Variants in TACC2 observed in about 807,000 individuals in gnomAD.
TACC2 encodes the protein transforming acidic coiled-coil containing protein 2.
Under a neutral mutation model 227.3 loss-of-function variants are expected in TACC2, and 137 were observed. The ratio of observed to expected loss-of-function variants is 0.60; its 90% confidence interval spans 0.52 to 0.69. TACC2 has a LOEUF of 0.69. TACC2 is among the 30% of genes least tolerant of loss of function. The pLI, the probability that TACC2 is intolerant of heterozygous loss-of-function variation, is 0.00. For missense variants in TACC2, 3,470 were observed against 3,694.4 expected (o/e 0.94, Z 1.57); for synonymous variants, 1,523 against 1,487.5 (o/e 1.02, Z -0.55).
intron 7 of TACC2, among the ~76,000 whole-genome samples, chr10:122,176,148 A>G (rs1368145066): frequency 9.0e-6 from 1 of 111,458 alleles, no homozygotes; most frequent in African/African-American, 2.9e-5. Flanking sequence ...TATATATATG[A>G]AGATGAAATT....
At chr10:122,068,959 A>AC (rs1205907225) in intron 3 of TACC2, among the ~76,000 whole-genome samples, 2 of 141,588 alleles carry the variant, frequency 1.4e-5, no homozygotes. Context: ...CAGCCTCCCA[A>AC]AGTGCTGGCA....
At chr10:122,035,469 A>T (rs1181623878) in intron 2 of TACC2, among the ~76,000 whole-genome samples, 2 of 152,226 alleles carry the variant, frequency 1.3e-5, no homozygotes, top group Non-Finnish European at 2.9e-5. Flanking sequence ...GCACGTGAGA[A>T]TCAGCAGTGA....
chr10:122,160,229 A>G (rs1322263812), intron 7 of TACC2, among the ~76,000 whole-genome samples: 5 of 152,206 alleles, frequency 3.3e-5, no homozygotes. Context: ...TGGGGACGTC[A>G]GTAGGAAGGT....
At chr10:122,178,094 C>A (rs1292095436) in intron 7 of TACC2, among the ~76,000 whole-genome samples, 1 of 152,124 alleles carries the variant, frequency 6.6e-6, no homozygotes, top group African/African-American at 2.4e-5. Context: ...GTTTTGGAGG[C>A]TGGGAAGTCT....
At chr10:122,176,079 CTCTCTCTCTCT>C (rs2093682138) in intron 7 of TACC2, among the ~76,000 whole-genome samples, 1 of 70,228 alleles carries the variant, frequency 1.4e-5, no homozygotes, top group Non-Finnish European at 3.0e-5. Context: ...AACCTTCTCT[CTCTCTCTCTCT>C]CTCTCTCTCT....
At chr10:122,043,499 CTTTT>C (rs201737110) in intron 2 of TACC2, among the ~76,000 whole-genome samples, 1,792 of 147,556 alleles carry the variant, frequency 0.012, 18 homozygotes, top group Middle Eastern at 0.024. Flanking sequence ...TTCTTTCTTT[CTTTT>C]TCTCTTTCTT....
At position 122,096,653 on chromosome 10, in the gene TACC2, G is replaced by A. The variant is rs533594213; in HGVS notation, c.5573+8062G>A. Among the ~76,000 whole-genome samples, 212 of 144,170 alleles carry A rather than the reference G, an allele frequency of 1.5e-3. 1 individual carries two copies. The highest frequency in any genetic ancestry group is 4.9e-3 in the African/African-American group (189 of 38,698). 94.6% of individuals were successfully genotyped at this position (144,170 alleles called of 152,430 possible). A position where few individuals can be genotyped will look rare whatever the true frequency, so the allele number is the denominator to read the frequency against. ...AGAGGTTGCAGTGAACTGAGATCGC[G>A]CCATTGCACTCCAGCCTGGGCGACA... On this transcript the variant is annotated intron_variant, in intron 5 of 22. Transcript: ENST00000369005.
chr10:122,192,413 G>A, intron 7 of TACC2: 1 of 313,816 alleles, frequency 3.2e-6, no homozygotes, highest in Non-Finnish European at 6.4e-6. Flanking sequence ...TTGAGAAAGA[G>A]CAGAGCCCTT....
intron 10 of TACC2, among the ~76,000 whole-genome samples, 189 bp downstream of exon 10, chr10:122,215,640 A>C (rs977443179): frequency 2.0e-5 from 3 of 151,998 alleles, no homozygotes; most frequent in Admixed American, 6.6e-5. Context: ...GGAAGATCAG[A>C]GTGTGTCCCG....
intron 3 of TACC2, among the ~76,000 whole-genome samples, chr10:122,063,490 GGT>G (rs758488156): frequency 1.8e-4 from 27 of 152,338 alleles, no homozygotes; most frequent in South Asian, 6.2e-4. Flanking sequence ...TGCTGAATTA[GGT>G]GTGTGTCTGT....
chr10:121,995,894 C>T (rs1953414056), intron 1 of TACC2, among the ~76,000 whole-genome samples: 1 of 152,070 alleles, frequency 6.6e-6, no homozygotes, highest in African/African-American at 2.4e-5. Flanking sequence ...GCTGAGACTA[C>T]AGGTGCGTGC....
intron 7 of TACC2, among the ~76,000 whole-genome samples, 156 bp downstream of exon 7, chr10:122,143,862 A>G (rs1451893415): frequency 6.6e-6 from 1 of 152,178 alleles, no homozygotes; most frequent in African/African-American, 2.4e-5. Flanking sequence ...TTTGGGCCAT[A>G]GCCGATCTCA....
At chr10:122,158,665 C>G (rs1019307763) in intron 7 of TACC2, among the ~76,000 whole-genome samples, 33 of 152,126 alleles carry the variant, frequency 2.2e-4, no homozygotes, top group Non-Finnish European at 4.4e-5. Flanking sequence ...TAGATCAGCC[C>G]TTTGCAAGGA....
chr10:122,237,708 G>A (rs887310266), intron 17 of TACC2, among the ~76,000 whole-genome samples, 170 bp downstream of exon 17: 1 of 152,222 alleles, frequency 6.6e-6, no homozygotes, highest in African/African-American at 2.4e-5. Flanking sequence ...CGTGTAATGG[G>A]CCTTTTGGCC....
intron 7 of TACC2, among the ~76,000 whole-genome samples, chr10:122,161,402 A>G (rs886373212): frequency 6.6e-6 from 1 of 152,116 alleles, no homozygotes; most frequent in South Asian, 2.1e-4. Context: ...ACTTGGGGGG[A>G]AATTTTTTCT....
intron 8 of TACC2, among the ~76,000 whole-genome samples, chr10:122,199,689 T>G (rs2094712860): frequency 6.6e-6 from 1 of 152,176 alleles, no homozygotes; most frequent in Non-Finnish European, 1.5e-5. Context: ...GCACACTGTC[T>G]TAGGTCTGAT....
chr10:122,156,768 T>C (rs541664063), intron 7 of TACC2, among the ~76,000 whole-genome samples: 1 of 152,308 alleles, frequency 6.6e-6, no homozygotes, highest in East Asian at 1.9e-4. Flanking sequence ...CAGTTTTGCT[T>C]TCTGGTTTTT....
chr10:122,100,599 T>C lies in TACC2; in HGVS notation c.5573+12008T>C, dbSNP rs112608009. 6.4e-3 allele frequency among the ~76,000 whole-genome samples: 977 copies of C among 152,106 alleles called. 11 individuals carry two copies. Among genetic ancestry groups the C allele is most frequent in the African/African-American group, 0.021 (885 of 41,506 alleles). ...CCACCACACCTGACTAACTGTTTTG[T>C]ATTGTTAGTACAGACGGGGTTTCAC... On this transcript the variant is annotated intron_variant, in intron 5 of 22. Transcript: ENST00000369005.
chr10:122,166,958 A>T (rs2093203421), intron 7 of TACC2, among the ~76,000 whole-genome samples: 1 of 152,200 alleles, frequency 6.6e-6, no homozygotes, highest in Non-Finnish European at 1.5e-5. Flanking sequence ...TATTGATCAG[A>T]CCTGCTGTTC....
Sources: gnomAD v4.1 joint callset for allele counts (sites outside exome capture counted in the v4.1 genomes callset) on GRCh38, gnomAD v4.1.1 for gene constraint, MANE v1.5 for transcripts, NCBI Gene and HGNC (gene_info 2026-07-23, HGNC 2026-07-21) for gene names.